The following EMID1 variants were observed in gnomAD, a reference collection of about 807,000 sequenced individuals.
EMID1 encodes the protein EMI domain containing 1.
Under a neutral mutation model 60.6 loss-of-function variants are expected in EMID1, and 40 were observed. The ratio of observed to expected loss-of-function variants is 0.66; its 90% CI spans 0.51 to 0.86. EMID1 has a LOEUF of 0.86. Among genes scored for constraint, EMID1 ranks in the 40% least tolerant of loss-of-function variants. EMID1 has a pLI of 0.00. For synonymous variants in EMID1, 242 were observed against 231.0 expected (o/e 1.05, Z -0.43); for missense variants, 585 against 597.1 (o/e 0.98, Z 0.21).
At chr22:29,255,565 C>T (rs1046946288) in intron 14 of EMID1, 7 of 426,976 alleles carry the variant, frequency 1.6e-5, no homozygotes. Context: ...TGCCAGGCAC[C>T]TTGCTGGGAC....
At chr22:29,238,368 C>T (rs2146342108) in intron 12 of EMID1, among the ~76,000 whole-genome samples, 1 of 140,024 alleles carries the variant, frequency 7.1e-6, no homozygotes, top group Admixed American at 7.0e-5. Context: ...GATCCTCCCG[C>T]CTCCACCTCT....
intron 3 of EMID1, among the ~76,000 whole-genome samples, chr22:29,220,430 G>T (rs182570416): frequency 6.6e-6 from 1 of 152,138 alleles, no homozygotes; most frequent in Non-Finnish European, 1.5e-5. Context: ...CCCCAGCTCC[G>T]ACCCTAACCC....
chr22:29,229,030 T>G (rs2040631708), intron 5 of EMID1, among the ~76,000 whole-genome samples: 1 of 152,114 alleles, frequency 6.6e-6, no homozygotes, highest in Non-Finnish European at 1.5e-5. Context: ...TTACAATACT[T>G]CCCTTCCCTA....
intron 3 of EMID1, among the ~76,000 whole-genome samples, chr22:29,224,842 G>A (rs1448640245): frequency 6.6e-6 from 1 of 152,202 alleles, no homozygotes; most frequent in Non-Finnish European, 1.5e-5. Flanking sequence ...GCTTGTCTGA[G>A]CGCTAACCTC....
intron 12 of EMID1, among the ~76,000 whole-genome samples, chr22:29,239,734 T>C (rs2041086594): frequency 6.6e-6 from 1 of 151,846 alleles, no homozygotes; most frequent in South Asian, 2.1e-4. Context: ...AGGGAAGTGT[T>C]CTGGAGTCCT....
intron 13 of EMID1, among the ~76,000 whole-genome samples, chr22:29,253,228 T>C (rs533657598): frequency 4.0e-4 from 61 of 152,312 alleles, no homozygotes; most frequent in African/African-American, 1.3e-3. Context: ...GAGGATCACT[T>C]GAGGCCAGGA....
chr22:29,246,982 GT>G (rs1330643067), intron 13 of EMID1, among the ~76,000 whole-genome samples: 4 of 151,688 alleles, frequency 2.6e-5, no homozygotes, highest in African/African-American at 7.3e-5. Flanking sequence ...TTTTTATTTT[GT>G]TTTTTTCCTT....
chr22:29,243,252 C>G lies in EMID1; in HGVS notation c.1075-193C>G, dbSNP rs1020908301. Among the ~76,000 whole-genome samples the G allele has an allele frequency of 2.6e-5, 4 of 152,202 alleles. No individual in the cohort carries two copies. The East Asian group carries it at 7.7e-4, about 29-fold the overall frequency. ...CCTTCTTTTAAGGGTTGAATATTCTCCAGTGTCTGTCTGCTTTTTATTACT... is the reference window on the plus strand; with the variant it reads ...CCTTCTTTTAAGGGTTGAATATTCTGCAGTGTCTGTCTGCTTTTTATTACT... On this transcript the variant is annotated intron_variant, in intron 12 of 14. Coordinates refer to ENST00000334018, the MANE Select transcript of EMID1 (RefSeq NM_133455.4).
intron 3 of EMID1, among the ~76,000 whole-genome samples, chr22:29,219,881 C>G (rs1826076114): frequency 6.6e-6 from 1 of 152,204 alleles, no homozygotes; most frequent in Non-Finnish European, 1.5e-5. Flanking sequence ...GCTGGGCGCT[C>G]TCCACACTCA....
chr22:29,217,556 A>G (rs991084452), intron 3 of EMID1, among the ~76,000 whole-genome samples: 4 of 152,340 alleles, frequency 2.6e-5, no homozygotes, highest in Non-Finnish European at 5.9e-5. Flanking sequence ...GAAAGGCACC[A>G]TCACTAAAAG....
chr22:29,205,978 G>A lies in EMID1; in HGVS notation c.-61G>A. The A allele has an allele frequency of 9.5e-7, 1 of 1,047,746 alleles. No homozygotes were observed. The highest frequency in any genetic ancestry group is 1.2e-6 in the Non-Finnish European group (1 of 847,140). 64.9% of individuals were successfully genotyped at this position (1,047,746 alleles called of 1,614,324 possible). A position where few individuals can be genotyped will look rare whatever the true frequency, so the allele number is the denominator to read the frequency against. On this transcript the variant is annotated 5_prime_UTR_variant, in exon 1 of 15. Transcript: ENST00000334018. The stretch of plus-strand genomic sequence containing the variant: ...GGCTGGCGGCGCGGGCAGGCAGGCG[G>A]GGAGGACAGGCTGGGGGCGGCGACC...
At chr22:29,232,589 G>T in intron 8 of EMID1, 187 bp downstream of exon 8, 1 of 659,830 alleles carries the variant, frequency 1.5e-6, no homozygotes, top group Non-Finnish European at 2.4e-6. Flanking sequence ...GAGGACCAGA[G>T]AGGGAAGGTG....
At position 29,233,674 on chromosome 22, in the gene EMID1, G is replaced by A. The variant is rs991425091; in HGVS notation, c.966+8G>A. 2 of 1,613,288 alleles carry A rather than the reference G, an allele frequency of 1.2e-6. No individual in the cohort carries two copies. The highest frequency in any genetic ancestry group is 1.6e-4 in the Middle Eastern group (1 of 6,062). On this transcript the variant is annotated splice_region_variant and intron_variant, in intron 10 of 14. Coordinates refer to ENST00000334018, the MANE Select transcript of EMID1 (RefSeq NM_133455.4). ...GGGAGTCCTGGTCACATAGTGAGTA[G>A]TTCTCCTTGTACTCTCACCCATGTG...
At chr22:29,216,749 C>T (rs1246462538) in intron 3 of EMID1, 2 of 758,332 alleles carry the variant, frequency 2.6e-6, no homozygotes, top group African/African-American at 3.8e-5. Context: ...AGGCACACGG[C>T]CATGGGGATG....
At chr22:29,243,647 C>T (rs2041228395) in intron 13 of EMID1, among the ~76,000 whole-genome samples, 158 bp downstream of exon 13, 1 of 152,244 alleles carries the variant, frequency 6.6e-6, no homozygotes, top group Non-Finnish European at 1.5e-5. Flanking sequence ...TTATCAGCCC[C>T]AACTCCTTCC....
At chr22:29,239,317 G>C (rs1332156220) in intron 12 of EMID1, among the ~76,000 whole-genome samples, 1 of 115,930 alleles carries the variant, frequency 8.6e-6, no homozygotes, top group Non-Finnish European at 1.7e-5. Context: ...TTAATGTAGA[G>C]GCAGGGTTTT....
chr22:29,216,536 A>G (rs924506997), intron 3 of EMID1: 3 of 985,368 alleles, frequency 3.0e-6, no homozygotes, highest in East Asian at 2.3e-4. Context: ...GAACGTGAAC[A>G]TCAGTCTCAG....
At chr22:29,233,717 C>A in intron 10 of EMID1, 51 bp downstream of exon 10, 2 of 1,541,824 alleles carry the variant, frequency 1.3e-6, no homozygotes, top group Non-Finnish European at 1.8e-6. Context: ...ATCTTTCCAT[C>A]TATGCATACA....
rs578086451 is a variant in EMID1 at position 29,214,379 on chromosome 22, G to A, written c.102-547G>A. Among the ~76,000 whole-genome samples, 5 of 152,290 alleles carry A rather than the reference G, an allele frequency of 3.3e-5. No homozygotes were observed. The South Asian group carries it at 6.2e-4, about 19-fold the overall frequency. ...GGTAGGAGGCGCCATGGGGAGAAGC[G>A]GAGGAAGGGTACTCCAGGCAGAGGG... is the stretch of plus-strand genomic sequence containing the variant. On this transcript the variant is annotated intron_variant, in intron 1 of 14. Coordinates refer to ENST00000334018, the MANE Select transcript of EMID1 (RefSeq NM_133455.4).
Sources: allele counts gnomAD v4.1 joint callset (sites outside exome capture counted in the v4.1 genomes callset), GRCh38; gene constraint gnomAD v4.1.1; transcripts MANE v1.5; gene names NCBI Gene and HGNC (gene_info 2026-07-23, HGNC 2026-07-21).